Variants in ANKRD11 observed in about 807,000 individuals in gnomAD.
The protein encoded by ANKRD11 is ankyrin repeat domain-containing protein 11.
A neutral mutation model predicts 195.7 loss-of-function variants in ANKRD11; 17 were observed. That is an observed-to-expected ratio of 0.09 (90% CI 0.06 to 0.13). ANKRD11 has a LOEUF of 0.13. ANKRD11 is among the 10% of genes least tolerant of loss of function. The pLI is 1.00. For missense variants in ANKRD11, 3,735 were observed against 3,566.1 expected (o/e 1.05, Z -1.21); for synonymous variants, 1,953 against 1,528.1 (o/e 1.28, Z -6.49).
intron 1 of ANKRD11, chr16:89,459,092 C>A (rs967067396): frequency 4.6e-5 from 9 of 195,014 alleles, no homozygotes; most frequent in African/African-American, 1.9e-4. Flanking sequence ...GGAAATGGAT[C>A]AGACAATGGC....
chr16:89,305,154 G>T, intron 4 of ANKRD11, 52 bp downstream of exon 4: 1 of 1,599,668 alleles, frequency 6.3e-7, no homozygotes, highest in South Asian at 1.1e-5. Context: ...TGCCTGGGCT[G>T]CTCCGGGCTG....
chr16:89,468,027 C>T (rs1368444191), intron 1 of ANKRD11, among the ~76,000 whole-genome samples: 1 of 152,154 alleles, frequency 6.6e-6, no homozygotes, highest in Non-Finnish European at 1.5e-5. Context: ...TGGTCTTGAA[C>T]TCCTGGCCTC....
At chr16:89,278,352 C>A in intron 9 of ANKRD11, 1 of 360,528 alleles carries the variant, frequency 2.8e-6, no homozygotes, top group Non-Finnish European at 5.5e-6. Context: ...CGGCCCAGGG[C>A]AGAGAGTGCA....
intron 2 of ANKRD11, chr16:89,328,834 CATACCCA>C (rs2037887383): frequency 7.2e-6 from 1 of 139,590 alleles, no homozygotes; most frequent in African/African-American, 2.8e-5. Context: ...AGTGAGTGGA[CATACCCA>C]GGAGCACGGG....
intron 12 of ANKRD11, 111 bp downstream of exon 12, chr16:89,270,706 G>C: frequency 2.8e-6 from 3 of 1,060,834 alleles, no homozygotes; most frequent in Non-Finnish European, 4.3e-6. Context: ...GCCCATCACA[G>C]AACTGGGCAG....
intron 2 of ANKRD11, among the ~76,000 whole-genome samples, chr16:89,396,346 G>T (rs987662237): frequency 3.9e-5 from 6 of 152,254 alleles, no homozygotes; most frequent in African/African-American, 1.2e-4. Context: ...GGACACACAG[G>T]CACACTCCCA....
intron 4 of ANKRD11, chr16:89,299,200 T>C (rs1228381747): frequency 6.3e-6 from 1 of 159,162 alleles, no homozygotes; most frequent in African/African-American, 2.4e-5. Flanking sequence ...TCTGCAGAGG[T>C]TTCTAGGGAA....
At chr16:89,462,927 C>T (rs2056741423) in intron 1 of ANKRD11, among the ~76,000 whole-genome samples, 1 of 151,210 alleles carries the variant, frequency 6.6e-6, no homozygotes, top group Non-Finnish European at 1.5e-5. Flanking sequence ...CCAGCTGCCC[C>T]GTCCGGGAGG....
chr16:89,380,006 C>G (rs549978084), intron 2 of ANKRD11, among the ~76,000 whole-genome samples: 1 of 152,346 alleles, frequency 6.6e-6, no homozygotes, highest in East Asian at 1.9e-4. Context: ...ACCCCTCAAG[C>G]TTCAGTCCAG....
At chr16:89,383,988 G>A (rs1219528739) in intron 2 of ANKRD11, among the ~76,000 whole-genome samples, 2 of 152,362 alleles carry the variant, frequency 1.3e-5, no homozygotes, top group East Asian at 1.9e-4. Context: ...GGGAGGCTGA[G>A]GCAGGCAGGT....
intron 1 of ANKRD11, among the ~76,000 whole-genome samples, chr16:89,482,330 A>C (rs2057470789): frequency 6.6e-6 from 1 of 152,202 alleles, no homozygotes; most frequent in Admixed American, 6.5e-5. Context: ...GTCAGTCACA[A>C]AGACATAAAA....
At position 89,305,418 on chromosome 16, in the gene ANKRD11, TGC is replaced by T. The variant is rs1449018039; in HGVS notation, c.88-76_88-75del. On this transcript the variant is annotated intron_variant, in intron 3 of 12. Transcript: ENST00000301030. ...CAAGCTCTCAAGATTTTGTTTCATA[TGC>T]CAGGAGAAGCGCATCTCTTATTTGG... 1,249 of 1,598,130 alleles carry T rather than the reference TGC, an allele frequency of 7.8e-4. 9 individuals are homozygous for T. The African/African-American group carries it at 0.016, about 20-fold the overall frequency.
intron 2 of ANKRD11, among the ~76,000 whole-genome samples, chr16:89,357,828 C>G (rs752794758): frequency 3.3e-5 from 5 of 152,208 alleles, no homozygotes; most frequent in Admixed American, 3.3e-4. Flanking sequence ...CACAGGACAA[C>G]GCTGCTGAAG....
chr16:89,432,193 T>C (rs912315131), intron 1 of ANKRD11, among the ~76,000 whole-genome samples: 1 of 151,558 alleles, frequency 6.6e-6, no homozygotes, highest in Non-Finnish European at 1.5e-5. Context: ...CAGAAGTCAC[T>C]GGGCTAACAA....
chr16:89,335,341 GA>G (rs1436109932), intron 2 of ANKRD11, among the ~76,000 whole-genome samples: 1 of 152,210 alleles, frequency 6.6e-6, no homozygotes. Context: ...TCCAGCACAG[GA>G]ACAAATCCAC....
chr16:89,489,227 GCGC>G (rs2057724322), intron 1 of ANKRD11: 1 of 23,908 alleles, frequency 4.2e-5, no homozygotes, highest in African/African-American at 9.2e-5. Context: ...ACACACACAC[GCGC>G]GCGCGCGCGC....
At chr16:89,269,192 C>T (rs1036967274) in intron 12 of ANKRD11, among the ~76,000 whole-genome samples, 1 of 152,006 alleles carries the variant, frequency 6.6e-6, no homozygotes, top group African/African-American at 2.4e-5. Context: ...TTTTAGATAC[C>T]GTCTCAAGGC....
intron 1 of ANKRD11, among the ~76,000 whole-genome samples, chr16:89,423,595 G>A (rs1300147458): frequency 6.6e-6 from 1 of 152,216 alleles, no homozygotes; most frequent in Non-Finnish European, 1.5e-5. Context: ...GCCTGCAGCA[G>A]CAGGCACTCA....
At chr16:89,456,537 C>T (rs1051994207) in intron 1 of ANKRD11, among the ~76,000 whole-genome samples, 9 of 146,802 alleles carry the variant, frequency 6.1e-5, no homozygotes, top group African/African-American at 1.3e-4. Context: ...AGCAAGACTC[C>T]GTTTCAAAAA....
Sources: allele counts gnomAD v4.1 joint callset (sites outside exome capture counted in the v4.1 genomes callset), GRCh38; gene constraint gnomAD v4.1.1; transcripts MANE v1.5; gene names NCBI Gene and HGNC (gene_info 2026-07-23, HGNC 2026-07-21).